The following MYOM2 variants were observed in gnomAD, a reference collection of about 807,000 sequenced individuals.
MYOM2 encodes the protein myomesin 2.
A neutral mutation model predicts 187.6 loss-of-function variants in MYOM2; 254 were observed. The ratio of observed to expected loss-of-function variants is 1.35; its 90% CI spans 1.22 to 1.50. The LOEUF is 1.50. MYOM2 is among the 40% of genes most tolerant of loss of function. MYOM2 has a pLI of 0.00. For missense variants in MYOM2, 2,796 were observed against 1,924.0 expected (o/e 1.45, Z -8.48); for synonymous variants, 981 against 753.8 (o/e 1.30, Z -4.94).
chr8:2,139,202 G>C (rs1798190806), intron 32 of MYOM2, among the ~76,000 whole-genome samples: 1 of 152,196 alleles, frequency 6.6e-6, no homozygotes, highest in Admixed American at 6.5e-5. Flanking sequence ...GTGCGGTGGT[G>C]TGATCACAGC....
chr8:2,142,640 GA>G (rs1201073883), intron 35 of MYOM2, among the ~76,000 whole-genome samples: 6 of 149,168 alleles, frequency 4.0e-5, no homozygotes, highest in Non-Finnish European at 5.9e-5. Context: ...CTCCCTTGCA[GA>G]ACCTGCAGCC....
chr8:2,100,125 CTTCT>C (rs1359514092), intron 19 of MYOM2, among the ~76,000 whole-genome samples: 2,073 of 49,310 alleles, frequency 0.042, 50 homozygotes, highest in African/African-American at 0.052. Context: ...TCCTTCCTTC[CTTCT>C]TTCCTTCCTT....
chr8:2,104,736 C>G (rs1399699910), intron 21 of MYOM2, among the ~76,000 whole-genome samples: 1 of 152,092 alleles, frequency 6.6e-6, no homozygotes, highest in African/African-American at 2.4e-5. Context: ...CTCCCGCTGC[C>G]CCACAACATG....
intron 32 of MYOM2, among the ~76,000 whole-genome samples, chr8:2,130,510 A>T (rs931999555): frequency 6.6e-6 from 1 of 152,238 alleles, no homozygotes; most frequent in African/African-American, 2.4e-5. Context: ...GGTTATGACT[A>T]TTTCACTTTT....
At chr8:2,097,771 C>A (rs111768380) in intron 18 of MYOM2, among the ~76,000 whole-genome samples, 1 of 152,210 alleles carries the variant, frequency 6.6e-6, no homozygotes, top group Non-Finnish European at 1.5e-5. Flanking sequence ...CCCGCCTCAG[C>A]CTCCCAAAGT....
At chr8:2,144,584 C>T in intron 36 of MYOM2, 80 bp from the exon 37 acceptor site, 1 of 1,406,876 alleles carries the variant, frequency 7.1e-7, no homozygotes, top group South Asian at 1.2e-5. Context: ...TGAGTGTGAC[C>T]TGGAGCCCAC....
intron 15 of MYOM2, among the ~76,000 whole-genome samples, chr8:2,092,089 G>C (rs1001345530): frequency 6.6e-6 from 1 of 152,134 alleles, no homozygotes; most frequent in East Asian, 1.9e-4. Flanking sequence ...GGAGACAGGA[G>C]GATTCAGGAT....
intron 2 of MYOM2, among the ~76,000 whole-genome samples, chr8:2,051,506 G>A (rs1432540360): frequency 6.6e-6 from 1 of 152,216 alleles, no homozygotes; most frequent in Admixed American, 6.5e-5. Flanking sequence ...CAGGCGTTCT[G>A]CAGCCCAGGT....
At chr8:2,132,662 C>T (rs760686122) in intron 32 of MYOM2, among the ~76,000 whole-genome samples, 2 of 152,154 alleles carry the variant, frequency 1.3e-5, no homozygotes, top group Non-Finnish European at 2.9e-5. Context: ...TTCTAGCTCA[C>T]TGTAGCCCTG....
chr8:2,086,395 TTGTGATCTCTG>T (rs1796058597), intron 14 of MYOM2, among the ~76,000 whole-genome samples: 1 of 127,512 alleles, frequency 7.8e-6, no homozygotes, highest in Non-Finnish European at 1.6e-5. Context: ...CCTCCCACTG[TTGTGATCTCTG>T]CGTGGCCTCC....
At chr8:2,130,081 C>T (rs188769291) in intron 32 of MYOM2, among the ~76,000 whole-genome samples, 1 of 151,850 alleles carries the variant, frequency 6.6e-6, no homozygotes, top group African/African-American at 2.4e-5. Context: ...GTACACTGTA[C>T]CCAGGGCGCC....
chr8:2,050,437 T>A (rs7815708), intron 1 of MYOM2, among the ~76,000 whole-genome samples: 14,564 of 152,298 alleles, frequency 0.096, 1,187 homozygotes, highest in African/African-American at 0.23. Flanking sequence ...ACTTCCCACT[T>A]ATATTGCTTT....
Position 2,145,123 on chromosome 8 carries a change from G to C in MYOM2, c.*142G>C. 3.3e-6 allele frequency: 3 copies of C among 901,460 alleles called. No homozygotes were observed. The highest frequency in any genetic ancestry group is 5.0e-6 in the Non-Finnish European group (3 of 597,740). The allele number at this position is 901,460 out of a possible 1,614,324, so 55.8% of individuals were successfully genotyped here. A position where few individuals can be genotyped will look rare whatever the true frequency, so the allele number is the denominator to read the frequency against. On this transcript the variant is annotated 3_prime_UTR_variant, in exon 37 of 37. Transcript: ENST00000262113. ...ATCACACATTGTGCTTTTGATTTTT[G>C]CATTTGGTGATGAATATTTTATACC...
In MYOM2 at chr8:2,072,337, C is replaced by A. The variant is rs544694566; in HGVS notation, c.794-8C>A. 1 of 1,612,776 alleles carries A rather than the reference C, an allele frequency of 6.2e-7. No individual in the cohort carries two copies. Among genetic ancestry groups the A allele is most frequent in the East Asian group, 2.2e-5 (1 of 44,814 alleles). ...TCGGCCCTGAAAGCCTCCATCGTTT[C>A]TGTGCAGTGCCCCTGTCATCGATGA... On this transcript the variant is annotated splice_region_variant and splice_polypyrimidine_tract_variant and intron_variant, in intron 8 of 36. Transcript: ENST00000262113.
rs190393279 is a variant in MYOM2, at chr8:2,064,954, G to C, written c.654-4324G>C. Among the ~76,000 whole-genome samples, 5 of 152,336 alleles carry C rather than the reference G, an allele frequency of 3.3e-5. No homozygotes were observed. The East Asian group carries it at 7.7e-4, about 24-fold the overall frequency. ...ATTGTGTTGCTTTATAGGACTGTAA[G>C]GGCAAGGAGGGATTTCCGTAGAGGA... On this transcript the variant is annotated intron_variant, in intron 6 of 36. Transcript: ENST00000262113.
chr8:2,056,055 G>A (rs1425737008), intron 3 of MYOM2, among the ~76,000 whole-genome samples: 3 of 152,202 alleles, frequency 2.0e-5, no homozygotes, highest in Non-Finnish European at 2.9e-5. Flanking sequence ...GAGTATTTAT[G>A]AGACATCTTC....
chr8:2,074,613 C>T (rs191492542), intron 10 of MYOM2, among the ~76,000 whole-genome samples: 7 of 152,268 alleles, frequency 4.6e-5, no homozygotes, highest in African/African-American at 1.7e-4. Context: ...TACCACCACG[C>T]CCGGCTAATT....
Position 2,129,116 on chromosome 8 carries a change from A to G in MYOM2, c.3695-11A>G, listed in dbSNP as rs761266029. ...CTTTTCCTAGATCTGAGGATGTTTTATTTTCTGCAGGGAAATCTGCTTCGC... is the reference window on the plus strand; with the variant it reads ...CTTTTCCTAGATCTGAGGATGTTTTGTTTTCTGCAGGGAAATCTGCTTCGC... On this transcript the variant is annotated splice_polypyrimidine_tract_variant and intron_variant, in intron 31 of 36. Transcript: ENST00000262113. The G allele has an allele frequency of 6.3e-7, 1 of 1,592,012 alleles. No homozygotes were observed. Among genetic ancestry groups the G allele is most frequent in the Non-Finnish European group, 8.6e-7 (1 of 1,161,312 alleles).
At chr8:2,094,488 C>A (rs1444410552) in intron 17 of MYOM2, among the ~76,000 whole-genome samples, 3 of 152,224 alleles carry the variant, frequency 2.0e-5, no homozygotes, top group Middle Eastern at 3.4e-3. Flanking sequence ...CCCGTCTCTA[C>A]TGAAAATACA....
Sources: gnomAD v4.1 joint callset for allele counts (sites outside exome capture counted in the v4.1 genomes callset) on GRCh38, gnomAD v4.1.1 for gene constraint, MANE v1.5 for transcripts, NCBI Gene and HGNC (gene_info 2026-07-23, HGNC 2026-07-21) for gene names.